The following CACNG2 variants were observed in gnomAD, a reference collection of about 807,000 sequenced individuals.
CACNG2 encodes voltage-dependent calcium channel gamma-2 subunit.
A neutral mutation model predicts 25.9 loss-of-function variants in CACNG2; 3 were observed. The ratio of observed to expected loss-of-function variants is 0.12; its 90% confidence interval spans 0.05 to 0.30. The LOEUF is 0.30. CACNG2 is among the 10% of genes least tolerant of loss of function. The pLI, the probability that CACNG2 is intolerant of heterozygous loss-of-function variation, is 1.00. For missense variants in CACNG2, 341 were observed against 432.5 expected (o/e 0.79, Z 1.88); for synonymous variants, 167 against 173.3 (o/e 0.96, Z 0.29).
At chr22:36,701,336 G>C (rs1231719788) in intron 1 of CACNG2, among the ~76,000 whole-genome samples, 1 of 152,228 alleles carries the variant, frequency 6.6e-6, no homozygotes, top group East Asian at 1.9e-4. Context: ...GCCAAATGCA[G>C]GTTGGATGAC....
chr22:36,617,775 G>T (rs1452999645), intron 1 of CACNG2, among the ~76,000 whole-genome samples: 2 of 150,816 alleles, frequency 1.3e-5, no homozygotes, highest in Non-Finnish European at 2.9e-5. Flanking sequence ...TAACTTCCCT[G>T]AGCCTGTTTG....
chr22:36,630,693 T>C (rs771114444), intron 1 of CACNG2, among the ~76,000 whole-genome samples: 11 of 152,120 alleles, frequency 7.2e-5, no homozygotes, highest in Non-Finnish European at 1.3e-4. Context: ...GACATGAGCT[T>C]CCAGTGTAGA....
chr22:36,598,223 G>A, intron 1 of CACNG2, among the ~76,000 whole-genome samples: 1 of 152,170 alleles, frequency 6.6e-6, no homozygotes, highest in Non-Finnish European at 1.5e-5. Flanking sequence ...TCCAGCGACT[G>A]TACTACACAT....
intron 1 of CACNG2, among the ~76,000 whole-genome samples, chr22:36,647,714 C>T (rs181211279): frequency 6.6e-6 from 1 of 152,362 alleles, no homozygotes; most frequent in Non-Finnish European, 1.5e-5. Context: ...TTTGCACACC[C>T]TGTTGCCTCT....
chr22:36,672,129 AG>A (rs1207275470), intron 1 of CACNG2, among the ~76,000 whole-genome samples: 3 of 152,010 alleles, frequency 2.0e-5, no homozygotes, highest in Non-Finnish European at 4.4e-5. Flanking sequence ...GAAGCCAGGA[AG>A]GGGCCCTGGT....
At chr22:36,690,540 G>A (rs1337912625) in intron 1 of CACNG2, among the ~76,000 whole-genome samples, 1 of 152,134 alleles carries the variant, frequency 6.6e-6, no homozygotes, top group Non-Finnish European at 1.5e-5. Context: ...ACTGTGTGCC[G>A]GCACCTCGGT....
At chr22:36,611,107 C>A (rs1241314338) in intron 1 of CACNG2, among the ~76,000 whole-genome samples, 2 of 152,190 alleles carry the variant, frequency 1.3e-5, no homozygotes, top group Non-Finnish European at 2.9e-5. Context: ...GCACAGAGGG[C>A]TTGGCAAGCC....
intron 1 of CACNG2, among the ~76,000 whole-genome samples, chr22:36,678,060 G>A (rs1937040819): frequency 6.6e-6 from 1 of 152,174 alleles, no homozygotes. Context: ...GATGCCAATG[G>A]TCGCAAAGGA....
intron 1 of CACNG2, among the ~76,000 whole-genome samples, chr22:36,614,813 T>C (rs1402264699): frequency 6.6e-6 from 1 of 152,224 alleles, no homozygotes; most frequent in Admixed American, 6.5e-5. Flanking sequence ...CAACGATCCA[T>C]TTGCTCGTTA....
rs1417223864 is a variant in CACNG2 at position 36,564,999 on chromosome 22, G to A, written c.437-113C>T. The stretch of plus-strand genomic sequence containing the variant: ...GGGGACAGCTGTGTGGGCCTTCCCC[G>A]GTCCCGCGCCTTCATGAACAGGTGG... On this transcript the variant is annotated intron_variant, in intron 3 of 3. Coordinates refer to ENST00000300105, the MANE Select transcript of CACNG2 (RefSeq NM_006078.5). The surrounding 1 kb of genome is among the most constrained non-coding windows in gnomAD (Gnocchi z 6.7). 5.5e-6 allele frequency: 5 copies of A among 909,646 alleles called. No individual in the cohort carries two copies. Among genetic ancestry groups the A allele is most frequent in the African/African-American group, 1.6e-5 (1 of 61,608 alleles). 56.3% of individuals were successfully genotyped at this position (909,646 alleles called of 1,614,324 possible). A position where few individuals can be genotyped will look rare whatever the true frequency, so the allele number is the denominator to read the frequency against.
chr22:36,702,025 G>A (rs900227839), intron 1 of CACNG2, among the ~76,000 whole-genome samples: 2 of 152,010 alleles, frequency 1.3e-5, no homozygotes, highest in Admixed American at 1.3e-4. Context: ...CTCATAGATG[G>A]CAATGCTAAA....
At chr22:36,675,173 A>G (rs1446751805) in intron 1 of CACNG2, among the ~76,000 whole-genome samples, 2 of 152,128 alleles carry the variant, frequency 1.3e-5, no homozygotes, top group East Asian at 1.9e-4. Flanking sequence ...AGTAGTTGGG[A>G]CTACAGGCAT....
At chr22:36,666,483 G>C (rs12628295) in intron 1 of CACNG2, among the ~76,000 whole-genome samples, 36,530 of 151,946 alleles carry the variant, frequency 0.24, 4,524 homozygotes, top group Middle Eastern at 0.33. Context: ...CAATCATAGA[G>C]ACAGAATGCA....
intron 1 of CACNG2, among the ~76,000 whole-genome samples, chr22:36,670,253 A>C (rs1280569308): frequency 1.3e-5 from 2 of 152,116 alleles, no homozygotes; most frequent in Non-Finnish European, 1.5e-5. Context: ...TTCAGGAAAA[A>C]CCAGTAGATT....
At chr22:36,613,156 C>CTGTGTGTGTG (rs61572491) in intron 1 of CACNG2, among the ~76,000 whole-genome samples, 30 of 146,122 alleles carry the variant, frequency 2.1e-4, no homozygotes, top group South Asian at 6.7e-4. Flanking sequence ...TACAGGCTCT[C>CTGTGTGTGTG]TGTGTGTGTG....
At chr22:36,577,655 A>G (rs1935346104) in intron 2 of CACNG2, among the ~76,000 whole-genome samples, 1 of 151,098 alleles carries the variant, frequency 6.6e-6, no homozygotes, top group Admixed American at 6.6e-5. Flanking sequence ...TCTTGGAAAA[A>G]AAAAAAAAAA....
chr22:36,657,233 G>A (rs1166453430), intron 1 of CACNG2, among the ~76,000 whole-genome samples: 1 of 152,170 alleles, frequency 6.6e-6, no homozygotes, highest in Non-Finnish European at 1.5e-5. Flanking sequence ...GCCTTCTTCC[G>A]GAGAGATCCA....
At chr22:36,636,998 C>T (rs1223604229) in intron 1 of CACNG2, among the ~76,000 whole-genome samples, 1 of 152,216 alleles carries the variant, frequency 6.6e-6, no homozygotes, top group Non-Finnish European at 1.5e-5. Context: ...CAGGTTCTGG[C>T]TGGCAAGGAC....
chr22:36,613,803 C>T (rs76050799), intron 1 of CACNG2, among the ~76,000 whole-genome samples: 2,836 of 152,138 alleles, frequency 0.019, 51 homozygotes, highest in Middle Eastern at 0.082. Context: ...GTGTCCATTT[C>T]CCCCATCCTC....
Sources: allele counts gnomAD v4.1 joint callset (sites outside exome capture counted in the v4.1 genomes callset), GRCh38; gene constraint gnomAD v4.1.1; non-coding constraint Gnocchi (gnomAD v3.1); transcripts MANE v1.5; gene names NCBI Gene and HGNC (gene_info 2026-07-23, HGNC 2026-07-21).